Variants in GPC5 observed in about 807,000 individuals in gnomAD.
GPC5 encodes glypican-5.
GPC5 carries 47 observed loss-of-function variants against 53.9 expected under a neutral mutation model. The ratio of observed to expected loss-of-function variants is 0.87; its 90% CI spans 0.69 to 1.11. GPC5 has a LOEUF of 1.11. Among genes scored for constraint, GPC5 ranks in the 50% most tolerant of loss-of-function variants. The pLI, the probability that GPC5 is intolerant of heterozygous loss-of-function variation, is 0.00. For missense variants in GPC5, 748 were observed against 713.1 expected (o/e 1.05, Z -0.56); for synonymous variants, 286 against 263.3 (o/e 1.09, Z -0.84).
intron 5 of GPC5, among the ~76,000 whole-genome samples, chr13:91,825,269 G>A (rs2038559438): frequency 6.6e-6 from 1 of 152,058 alleles, no homozygotes; most frequent in African/African-American, 2.4e-5. Flanking sequence ...CCAAGCAGCA[G>A]TATCTCTCAG....
chr13:91,518,196 A>G (rs375769850), intron 2 of GPC5, among the ~76,000 whole-genome samples: 2 of 152,234 alleles, frequency 1.3e-5, no homozygotes, highest in African/African-American at 4.8e-5. Context: ...ATCAAGTAGC[A>G]TGTATAAGAA....
chr13:91,966,686 G>A (rs1332842085), intron 6 of GPC5, among the ~76,000 whole-genome samples: 10 of 152,294 alleles, frequency 6.6e-5, no homozygotes, highest in South Asian at 6.2e-4. Flanking sequence ...GTTACCTTAA[G>A]TAGATATTTG....
intron 7 of GPC5, among the ~76,000 whole-genome samples, chr13:92,677,976 C>T (rs2139218080): frequency 6.6e-6 from 1 of 152,272 alleles, no homozygotes; most frequent in African/African-American, 2.4e-5. Flanking sequence ...GCCAAAGCTT[C>T]CCTCAATTAA....
chr13:91,609,980 A>G (rs1253937336), intron 2 of GPC5, among the ~76,000 whole-genome samples: 3 of 152,216 alleles, frequency 2.0e-5, no homozygotes, highest in African/African-American at 7.2e-5. Context: ...CATTCGTTAT[A>G]TGGAATCAAT....
At chr13:92,810,815 G>A (rs1877268594) in intron 7 of GPC5, among the ~76,000 whole-genome samples, 1 of 151,882 alleles carries the variant, frequency 6.6e-6, no homozygotes, top group Non-Finnish European at 1.5e-5. Context: ...TTGCCTCCTG[G>A]GTTCAAGTGA....
intron 7 of GPC5, among the ~76,000 whole-genome samples, chr13:92,226,512 A>C (rs2042487381): frequency 6.6e-6 from 1 of 152,206 alleles, no homozygotes; most frequent in African/African-American, 2.4e-5. Context: ...CCTGAAAAGC[A>C]CACAAAAATG....
intron 7 of GPC5, among the ~76,000 whole-genome samples, chr13:92,779,105 C>G (rs1380543432): frequency 1.3e-5 from 2 of 152,128 alleles, no homozygotes; most frequent in African/African-American, 4.8e-5. Context: ...TACAGTTCCA[C>G]ATGGCTGGGG....
At chr13:92,051,139 TGCATATTCAGATTC>T (rs1471248491) in intron 6 of GPC5, among the ~76,000 whole-genome samples, 4 of 151,860 alleles carry the variant, frequency 2.6e-5, no homozygotes, top group Non-Finnish European at 5.9e-5. Flanking sequence ...CCAGCTAAAA[TGCATATTCAGATTC>T]AGTGTTTGTC....
intron 7 of GPC5, among the ~76,000 whole-genome samples, chr13:92,732,177 C>T (rs1888826000): frequency 6.6e-6 from 1 of 151,476 alleles, no homozygotes. Flanking sequence ...ACTTTCAAAA[C>T]AGTATATGCT....
intron 6 of GPC5, among the ~76,000 whole-genome samples, chr13:92,099,446 C>T (rs183538576): frequency 1.7e-4 from 26 of 152,236 alleles, no homozygotes; most frequent in Non-Finnish European, 3.7e-4. Flanking sequence ...CTGCAATGTT[C>T]CTATTCCTTC....
rs71113784 is a variant in GPC5, at chr13:92,031,716, T to TATATATA, written c.1402-113110_1402-113109insATAATAT. On this transcript the variant is annotated intron_variant, in intron 6 of 7. Transcript: ENST00000377067. ...TATATAATATATTATATATATTACA[T>TATATATA]ATATGTAATATATTACATATTATAT... Among the ~76,000 whole-genome samples, 37 of 26,732 alleles carry TATATATA rather than the reference T, an allele frequency of 1.4e-3. 1 individual carries two copies. Among genetic ancestry groups the TATATATA allele is most frequent in the African/African-American group, 4.3e-3 (35 of 8,200 alleles). The allele number at this position is 26,732 out of a possible 152,430, so 17.5% of individuals were successfully genotyped here. A position where few individuals can be genotyped will look rare whatever the true frequency, so the allele number is the denominator to read the frequency against.
chr13:91,658,723 C>G (rs2139602311), intron 2 of GPC5, among the ~76,000 whole-genome samples: 1 of 152,266 alleles, frequency 6.6e-6, no homozygotes, highest in African/African-American at 2.4e-5. Context: ...GTCTGTCAGC[C>G]TGATTCTCCG....
chr13:92,632,371 T>A (rs1457101994), intron 7 of GPC5, among the ~76,000 whole-genome samples: 4 of 151,470 alleles, frequency 2.6e-5, no homozygotes, highest in African/African-American at 9.7e-5. Context: ...AGAATTATTT[T>A]TTTTGGTAAA....
chr13:92,034,160 T>C (rs2040875052), intron 6 of GPC5, among the ~76,000 whole-genome samples: 1 of 152,134 alleles, frequency 6.6e-6, no homozygotes, highest in African/African-American at 2.4e-5. Flanking sequence ...ATCTATAATT[T>C]AATATGGCAA....
At chr13:91,466,992 A>C (rs1045212108) in intron 2 of GPC5, among the ~76,000 whole-genome samples, 7 of 152,170 alleles carry the variant, frequency 4.6e-5, no homozygotes, top group Non-Finnish European at 1.0e-4. Flanking sequence ...GTTAATTGAA[A>C]TGCATCCAAA....
intron 6 of GPC5, among the ~76,000 whole-genome samples, chr13:91,932,110 T>A (rs2039827592): frequency 6.6e-6 from 1 of 152,032 alleles, no homozygotes; most frequent in African/African-American, 2.4e-5. Context: ...TTATGGAATA[T>A]TAGTCTCCAA....
intron 7 of GPC5, among the ~76,000 whole-genome samples, chr13:92,750,194 T>C (rs1441030852): frequency 1.3e-5 from 2 of 152,176 alleles, no homozygotes; most frequent in African/African-American, 2.4e-5. Context: ...GGTAGAGTCC[T>C]ATTAATGCTA....
intron 6 of GPC5, among the ~76,000 whole-genome samples, chr13:92,076,895 G>A (rs756478054): frequency 6.6e-6 from 1 of 152,126 alleles, no homozygotes; most frequent in African/African-American, 2.4e-5. Flanking sequence ...ACCTTTTAAA[G>A]GCCTGAATAG....
chr13:91,669,207 A>G (rs1376110174), intron 2 of GPC5, among the ~76,000 whole-genome samples: 1 of 152,164 alleles, frequency 6.6e-6, no homozygotes, highest in Non-Finnish European at 1.5e-5. Context: ...ACATTAACTG[A>G]TAGTCATATG....
Sources: allele counts gnomAD v4.1 joint callset (sites outside exome capture counted in the v4.1 genomes callset), GRCh38; gene constraint gnomAD v4.1.1; transcripts MANE v1.5; gene names NCBI Gene and HGNC (gene_info 2026-07-23, HGNC 2026-07-21).